COL12A1: variants seen among roughly 807,000 people sequenced by gnomAD.
COL12A1 encodes collagen alpha-1(XII) chain.
A neutral mutation model predicts 349.7 loss-of-function variants in COL12A1; 114 were observed. The ratio of observed to expected loss-of-function variants is 0.33; its 90% CI spans 0.28 to 0.38. COL12A1 has a LOEUF of 0.38. Among genes scored for constraint, COL12A1 ranks in the 10% least tolerant of loss-of-function variants. COL12A1 has a pLI of 1.00. For missense variants in COL12A1, 3,284 were observed against 3,756.9 expected (o/e 0.87, Z 3.29); for synonymous variants, 1,369 against 1,329.0 (o/e 1.03, Z -0.66).
chr6:75,140,187 G>A (rs888373488), intron 27 of COL12A1, among the ~76,000 whole-genome samples: 1 of 152,090 alleles, frequency 6.6e-6, no homozygotes, highest in Admixed American at 6.5e-5. Context: ...CACCTGTTAC[G>A]TTATTTTTAT....
chr6:75,125,215 A>G lies in COL12A1; in HGVS notation c.6519T>C (p.Asn2173=). Residue 2173 remains asparagine (N), a synonymous_variant, in exon 40 of 66, where the codon AAT becomes AAC. Transcript: ENST00000322507. ...VGEMTSYTLH[N]LNPSTTYDVN... is the part of the protein sequence containing the mutation. ...CATCGTAGGTGGTGCTGGGATTGAG[A>G]TTGTGTAAGGTATATGATGTCATTT... is the stretch of plus-strand genomic sequence containing the variant. 5 of 1,612,362 alleles carry G rather than the reference A, an allele frequency of 3.1e-6. No homozygotes were observed. Among genetic ancestry groups the G allele is most frequent in the Non-Finnish European group, 4.2e-6 (5 of 1,178,982 alleles).
At position 75,095,195 on chromosome 6, in the gene COL12A1, AG is replaced by A. The variant is rs757402083; in HGVS notation, c.8578-17del. The A allele has an allele frequency of 2.5e-6, 4 of 1,604,108 alleles. No individual in the cohort carries two copies. The African/African-American group carries it at 5.3e-5, about 21-fold the overall frequency. On this transcript the variant is annotated splice_polypyrimidine_tract_variant and intron_variant, in intron 59 of 65. Coordinates refer to ENST00000322507, the MANE Select transcript of COL12A1 (RefSeq NM_004370.6). Reference sequence around the variant, plus strand: ...CTGGGCTTCCCTACAACACATGGAAAGGGAAGGGGACTGTTATGACAAAGGG... The same window carrying A: ...CTGGGCTTCCCTACAACACATGGAAAGGAAGGGGACTGTTATGACAAAGGG...
chr6:75,100,232 G>T (rs1241811445), intron 58 of COL12A1, among the ~76,000 whole-genome samples: 1 of 152,146 alleles, frequency 6.6e-6, no homozygotes, highest in Non-Finnish European at 1.5e-5. Flanking sequence ...CTGCCTGATG[G>T]TGATGGCTGT....
At chr6:75,161,938 C>T (rs1768047711) in intron 14 of COL12A1, among the ~76,000 whole-genome samples, 1 of 152,156 alleles carries the variant, frequency 6.6e-6, no homozygotes, top group Admixed American at 6.5e-5. Context: ...AGGAATACAA[C>T]TTACAAGGGA....
At chr6:75,095,023 C>A (rs981959245) in intron 60 of COL12A1, 85 bp downstream of exon 60, 1 of 1,256,006 alleles carries the variant, frequency 8.0e-7, no homozygotes, top group Non-Finnish European at 1.1e-6. Flanking sequence ...GCAGAGATAA[C>A]CTAAATATAA....
In COL12A1 at chr6:75,183,491, A is replaced by G; in HGVS notation, c.1450T>C (p.Tyr484His). 1.2e-6 allele frequency: 2 copies of G among 1,614,190 alleles called. No homozygotes were observed. The highest frequency in any genetic ancestry group is 1.7e-6 in the Non-Finnish European group (2 of 1,180,024). ...AACTCAGTATGAGGATCCCGGCTGT[A>G]TTGCACAAGACTAATCTGGACCCTA... ...PNRVQISLVQ[Y>H]SRDPHTEFTL... The change falls in exon 10 of 66, where the codon TAC (tyrosine) becomes CAC (histidine). Residue 484 changes from tyrosine (Y) to histidine (H), a missense_variant. Physicochemically the swap from Tyr to His is moderately conservative, Grantham distance 83. This residue lies in a region of COL12A1 where 2,601 missense variants were observed against 2,824.8 expected (regional missense o/e 0.92). Coordinates refer to ENST00000322507, the MANE Select transcript of COL12A1 (RefSeq NM_004370.6).
At chr6:75,116,170 T>G in intron 47 of COL12A1, 113 bp from the exon 48 acceptor site, 1 of 976,992 alleles carries the variant, frequency 1.0e-6, no homozygotes, top group Non-Finnish European at 1.6e-6. Context: ...TGTTCATTTA[T>G]TAAAATAACT....
At chr6:75,140,489 T>C (rs1766836392) in intron 27 of COL12A1, among the ~76,000 whole-genome samples, 2 of 151,836 alleles carry the variant, frequency 1.3e-5, no homozygotes, top group African/African-American at 4.8e-5. Flanking sequence ...ACCCCGTCTC[T>C]ACTAAAAACA....
chr6:75,152,522 T>C, intron 17 of COL12A1, 40 bp from the exon 18 acceptor site: 1 of 1,610,724 alleles, frequency 6.2e-7, no homozygotes, highest in Non-Finnish European at 8.5e-7. Context: ...AAGAAGCAAA[T>C]TGTTGGCAAG....
At chr6:75,204,773 A>G (rs748404736) in intron 1 of COL12A1, among the ~76,000 whole-genome samples, 2 of 152,056 alleles carry the variant, frequency 1.3e-5, no homozygotes, top group African/African-American at 4.8e-5. Flanking sequence ...CGTCCAGTTA[A>G]AAAGAAAATC....
Position 75,147,677 on chromosome 6 carries a change from G to C in COL12A1, c.4415C>G (p.Thr1472Ser). 1 of 1,596,112 alleles carries C rather than the reference G, an allele frequency of 6.3e-7. No homozygotes were observed. The highest frequency in any genetic ancestry group is 1.4e-5 in the African/African-American group (1 of 73,870). The change falls in exon 23 of 66, where the codon ACC (threonine) becomes AGC (serine). Residue 1472 changes from threonine (T) to serine (S), a missense_variant and splice_region_variant. Coordinates refer to ENST00000322507, the MANE Select transcript of COL12A1 (RefSeq NM_004370.6). Reference protein sequence around the residue: ...YSEPLKGTEKTLPVPVVSLNI... With the variant: ...YSEPLKGTEKSLPVPVVSLNI... ...AACAATTTTTTAATCTGACTCACAG[G>C]TTTTTTCTGTCCCCTTCAGAGGCTC...
Position 75,191,731 on chromosome 6 carries a change from C to T in COL12A1, c.364G>A (p.Glu122Lys). 1 of 1,596,306 alleles carries T rather than the reference C, an allele frequency of 6.3e-7. No homozygotes were observed. Among genetic ancestry groups the T allele is most frequent in the Non-Finnish European group, 8.5e-7 (1 of 1,171,294 alleles). Residue 122 changes from glutamate (E) to lysine (K), a missense_variant, in exon 5 of 66, where the codon GAG becomes AAG. By Grantham distance (56) the Glu-to-Lys change is moderately conservative. Around this residue, in one of 2 missense-constraint regions of COL12A1, gnomAD observed 2,601 missense variants for 2,824.8 expected, o/e 0.92. Transcript: ENST00000322507. Reference protein sequence around the residue: ...IQTGSSTKPVEKKPGKTEIQK... With the variant: ...IQTGSSTKPVKKKPGKTEIQK... ...ATCTCGGTTTTTCCAGGTTTCTTCT[C>T]CACTGGCTTTGTCGAACTACCTGTT...
chr6:75,195,782 A>C (rs1387594857), intron 2 of COL12A1, among the ~76,000 whole-genome samples: 2 of 152,172 alleles, frequency 1.3e-5, no homozygotes, highest in Non-Finnish European at 2.9e-5. Context: ...TTTTAGATTA[A>C]AATGCCAGTA....
At position 75,086,505 on chromosome 6, in the gene COL12A1, T is replaced by C. The variant is rs868832188; in HGVS notation, c.*42A>G. The C allele has an allele frequency of 1.9e-6, 3 of 1,585,844 alleles. No individual in the cohort carries two copies. The Middle Eastern group carries it at 5.0e-4, about 266-fold the overall frequency. On this transcript the variant is annotated 3_prime_UTR_variant, in exon 66 of 66. Transcript: ENST00000322507. ...AAACATCTCAGAAACAGGATTTTCA[T>C]GTATTCAAACTGTAAGCAGCACTGG...
intron 65 of COL12A1, 34 bp downstream of exon 65, chr6:75,087,543 G>T (rs369315573): frequency 9.9e-5 from 159 of 1,607,408 alleles, no homozygotes; most frequent in Non-Finnish European, 1.3e-4. Flanking sequence ...TTTACTTCAG[G>T]TGAGTTGGGG....
intron 31 of COL12A1, among the ~76,000 whole-genome samples, chr6:75,136,604 C>G (rs548095500): frequency 1.0e-3 from 155 of 152,260 alleles, no homozygotes; most frequent in African/African-American, 3.5e-3. Flanking sequence ...GTCTCTAAGG[C>G]TATATAAGAA....
intron 14 of COL12A1, among the ~76,000 whole-genome samples, chr6:75,158,046 T>C (rs1014297439): frequency 2.6e-5 from 4 of 152,122 alleles, no homozygotes; most frequent in Admixed American, 2.0e-4. Flanking sequence ...CATAAAAATA[T>C]CTAGCACCCA....
intron 20 of COL12A1, 83 bp from the exon 21 acceptor site, chr6:75,151,370 A>G: frequency 7.5e-7 from 1 of 1,331,402 alleles, no homozygotes; most frequent in Non-Finnish European, 1.0e-6. Context: ...CGGCTTTCTT[A>G]ATTCATGGCT....
At chr6:75,157,117 T>C (rs951231909) in intron 14 of COL12A1, among the ~76,000 whole-genome samples, 1 of 152,166 alleles carries the variant, frequency 6.6e-6, no homozygotes, top group Non-Finnish European at 1.5e-5. Flanking sequence ...TATCTGTAAA[T>C]AGTGTTTGCT....
Sources: allele counts gnomAD v4.1 joint callset (sites outside exome capture counted in the v4.1 genomes callset), GRCh38; gene constraint gnomAD v4.1.1; regional missense constraint gnomAD v4.1.1; transcripts MANE v1.5; gene names NCBI Gene and HGNC (gene_info 2026-07-23, HGNC 2026-07-21).